CADPS: variants seen among roughly 807,000 people sequenced by gnomAD.
CADPS encodes the protein calcium-dependent secretion activator 1.
Under a neutral mutation model 167.3 loss-of-function variants are expected in CADPS, and 57 were observed. The observed-to-expected ratio is 0.34, with a 90% CI of 0.28 to 0.42. CADPS has a LOEUF of 0.42. CADPS is among the 20% of genes least tolerant of loss of function. The probability of loss-of-function intolerance (pLI) is 1.00; values close to 1 mark genes in which losing one functional copy is unlikely to be tolerated. For missense variants in CADPS, 1,414 were observed against 1,738.1 expected, an observed-to-expected ratio of 0.81 and a Z score of 3.32; for synonymous variants, 676 against 635.3, an observed-to-expected ratio of 1.06 and a Z score of -0.96.
Position 62,532,859 on chromosome 3 carries a change from A to G in CADPS, c.2291+12T>C, listed in dbSNP as rs768727242. 9.9e-6 allele frequency: 16 copies of G among 1,612,638 alleles called. No homozygotes were observed. In the South Asian group the frequency reaches 1.5e-4, roughly 16 times the overall value. ...TTAAGGATCACCTCTAGACACACGA[A>G]CACACACTTACCTGTTCCCATGGAC... is the stretch of plus-strand genomic sequence containing the variant. On this transcript the variant is annotated intron_variant, in intron 13 of 29. Coordinates refer to ENST00000383710, the MANE Select transcript of CADPS (RefSeq NM_003716.4).
At chr3:62,502,914 T>A (rs1347810980) in intron 17 of CADPS, among the ~76,000 whole-genome samples, 1 of 151,924 alleles carries the variant, frequency 6.6e-6, no homozygotes, top group East Asian at 1.9e-4. Context: ...ACAAGTAAGA[T>A]GACAAACTCT....
At chr3:62,500,632 T>G (rs892881447) in intron 17 of CADPS, 1 of 152,130 alleles carries the variant, frequency 6.6e-6, no homozygotes, top group African/African-American at 2.4e-5. Context: ...GTACATACAT[T>G]TGCAAAAGAA....
chr3:62,491,616 C>T (rs1576756360), intron 20 of CADPS, 136 bp from the exon 21 acceptor site: 1 of 728,236 alleles, frequency 1.4e-6, no homozygotes, highest in African/African-American at 1.8e-5. Context: ...ATTAAATATA[C>T]TGCTTCTAAG....
intron 11 of CADPS, among the ~76,000 whole-genome samples, chr3:62,542,284 C>A (rs1381960782): frequency 6.6e-6 from 1 of 152,096 alleles, no homozygotes; most frequent in Non-Finnish European, 1.5e-5. Context: ...CATCTGTGAA[C>A]CCAAACTGCA....
intron 27 of CADPS, among the ~76,000 whole-genome samples, chr3:62,444,641 A>G (rs943566176): frequency 1.3e-5 from 2 of 152,246 alleles, no homozygotes; most frequent in Non-Finnish European, 2.9e-5. Flanking sequence ...AGGAAGTATC[A>G]TATAAATTCA....
chr3:62,634,581 A>G (rs573911053), intron 6 of CADPS, among the ~76,000 whole-genome samples: 164 of 152,314 alleles, frequency 1.1e-3, no homozygotes, highest in African/African-American at 3.6e-3. Flanking sequence ...TATGATGATT[A>G]TCTATGTGTT....
At chr3:62,581,581 T>C (rs1334984488) in intron 8 of CADPS, among the ~76,000 whole-genome samples, 1 of 151,938 alleles carries the variant, frequency 6.6e-6, no homozygotes, top group Admixed American at 6.6e-5. Context: ...CTTGGGAGGC[T>C]GAGGTGGGAG....
At chr3:62,764,720 G>A (rs1359880176) in intron 2 of CADPS, among the ~76,000 whole-genome samples, 1 of 152,132 alleles carries the variant, frequency 6.6e-6, no homozygotes, top group Non-Finnish European at 1.5e-5. Flanking sequence ...ATCTGTTGTG[G>A]GCTGAATCAG....
At chr3:62,728,687 G>T (rs965709141) in intron 3 of CADPS, among the ~76,000 whole-genome samples, 9 of 151,916 alleles carry the variant, frequency 5.9e-5, no homozygotes, top group Non-Finnish European at 1.2e-4. Context: ...TCTTGGCAAA[G>T]CCTGACTGCT....
intron 17 of CADPS, among the ~76,000 whole-genome samples, chr3:62,511,966 A>C (rs1346392061): frequency 6.6e-6 from 1 of 152,156 alleles, no homozygotes; most frequent in East Asian, 1.9e-4. Context: ...ATGTGTCTTG[A>C]ACACAGGTTT....
In CADPS at chr3:62,740,007, C is replaced by T. The variant is rs564399889; in HGVS notation, c.888+13434G>A. On this transcript the variant is annotated intron_variant, in intron 3 of 29. Coordinates refer to ENST00000383710, the MANE Select transcript of CADPS (RefSeq NM_003716.4). ...ACAATAATGCTGGATAGCCAACAACCCTTGAAATCAGTGACTTACACTAAT... is the reference window on the plus strand; with the variant it reads ...ACAATAATGCTGGATAGCCAACAACTCTTGAAATCAGTGACTTACACTAAT... 7.2e-5 allele frequency among the ~76,000 whole-genome samples: 11 copies of T among 152,290 alleles called. 2 individuals are homozygous for T. The South Asian group carries it at 2.3e-3, about 32-fold the overall frequency.
chr3:62,867,536 G>A (rs1441357087), intron 1 of CADPS, among the ~76,000 whole-genome samples: 1 of 152,108 alleles, frequency 6.6e-6, no homozygotes, highest in East Asian at 1.9e-4. Context: ...GAACAGAGAT[G>A]TATTGTAGCC....
intron 28 of CADPS, among the ~76,000 whole-genome samples, chr3:62,409,351 G>A (rs1187694564): frequency 6.6e-6 from 1 of 152,260 alleles, no homozygotes; most frequent in Non-Finnish European, 1.5e-5. Flanking sequence ...TCTCAAAGAA[G>A]TGTGTGGGTA....
intron 3 of CADPS, among the ~76,000 whole-genome samples, chr3:62,703,603 G>T (rs2081819782): frequency 6.6e-6 from 1 of 152,060 alleles, no homozygotes; most frequent in African/African-American, 2.4e-5. Flanking sequence ...AAAAATCTTA[G>T]AAGTGACATG....
intron 1 of CADPS, among the ~76,000 whole-genome samples, chr3:62,825,045 T>C (rs1015685310): frequency 1.2e-4 from 18 of 152,150 alleles, no homozygotes; most frequent in Admixed American, 6.6e-5. Context: ...ATCACTGTCA[T>C]ACTGGGAAAT....
intron 6 of CADPS, among the ~76,000 whole-genome samples, chr3:62,628,351 A>T (rs11925723): frequency 6.6e-6 from 1 of 152,200 alleles, no homozygotes; most frequent in Admixed American, 6.5e-5. Flanking sequence ...AAAGCTTATA[A>T]AAGTACAAGA....
At chr3:62,520,640 A>G (rs1014624811) in intron 13 of CADPS, among the ~76,000 whole-genome samples, 17 of 152,228 alleles carry the variant, frequency 1.1e-4, no homozygotes, top group African/African-American at 3.9e-4. Context: ...GAGTTCACCA[A>G]TAAAAACAGG....
intron 3 of CADPS, among the ~76,000 whole-genome samples, chr3:62,741,444 A>G (rs1223897777): frequency 6.6e-6 from 1 of 152,224 alleles, no homozygotes; most frequent in East Asian, 1.9e-4. Flanking sequence ...TAGGACTTCA[A>G]CCTGGGATGC....
chr3:62,596,196 T>A (rs112039220), intron 6 of CADPS, among the ~76,000 whole-genome samples: 16,927 of 96,442 alleles, frequency 0.18, 1,201 homozygotes, highest in South Asian at 0.31. Flanking sequence ...GGGTACAGAG[T>A]GCTATTTTTT....
Sources: allele counts gnomAD v4.1 joint callset (sites outside exome capture counted in the v4.1 genomes callset), GRCh38; gene constraint gnomAD v4.1.1; transcripts MANE v1.5; gene names NCBI Gene and HGNC (gene_info 2026-07-23, HGNC 2026-07-21).